DNASE1L1: variants seen among roughly 807,000 people sequenced by gnomAD.
DNASE1L1 encodes the protein deoxyribonuclease-1-like 1.
A neutral mutation model predicts 18.6 loss-of-function variants in DNASE1L1; 8 were observed. That is an observed-to-expected ratio of 0.43 (90% CI 0.25 to 0.78). The LOEUF is 0.78. Ranked by LOEUF, DNASE1L1 falls within the 30% of genes least tolerant of loss-of-function variation. DNASE1L1 has a pLI of 0.23. For synonymous variants in DNASE1L1, 114 were observed against 114.2 expected (o/e 1.00, Z 0.01); for missense variants, 214 against 258.2 (o/e 0.83, Z 1.17).
In DNASE1L1 at chrX:154,405,463, T is replaced by C. The variant is rs781836649; in HGVS notation, c.106A>G (p.Arg36Gly). The C allele has an allele frequency of 8.3e-7, 1 of 1,198,995 alleles. No homozygotes were observed. The highest frequency in any genetic ancestry group is 2.2e-5 in the Admixed American group (1 of 45,461). The change falls in exon 2 of 8, where the codon AGG (arginine) becomes GGG (glycine). Residue 36 changes from arginine to glycine, a missense_variant. Physicochemically the swap from Arg to Gly is moderately radical, Grantham distance 125. Transcript: ENST00000369807. Reference sequence around the variant, plus strand: ...ACTAAGGTGTCCATCACCTGCTCCCTGGCCACCTTGGCCAGTGTCAGCCGC... The same window carrying C: ...ACTAAGGTGTCCATCACCTGCTCCCCGGCCACCTTGGCCAGTGTCAGCCGC... The part of the protein sequence containing the change: ...AQRLTLAKVA[R>G]EQVMDTLVRI...
chrX:154,402,996 C>T lies in DNASE1L1; in HGVS notation c.720G>A (p.Leu240=). Residue 240 remains leucine, a synonymous_variant, in exon 7 of 8, where the codon CTG becomes CTA. Transcript: ENST00000369807. ...GGAAGTCAAAGGCAGCCGCAGTGTG[C>T]AGCAGACTCCGGCAGCGCTCCCCGT... ...VLHGERCRSL[L]HTAAAFDFPT... is the part of the protein sequence containing the mutation. 1 of 1,211,455 alleles carries T rather than the reference C, an allele frequency of 8.3e-7. No homozygotes were observed. The highest frequency in any genetic ancestry group is 1.8e-5 in the South Asian group (1 of 57,024).
In DNASE1L1 at chrX:154,402,246, C is replaced by T. The variant is rs2068057550; in HGVS notation, c.*461G>A. Reference sequence around the variant, plus strand: ...GTTTCAGGGAAGGAGTTTGATATAGCAGATTAACCACCCTCCTTGTAGCTA... The same window carrying T: ...GTTTCAGGGAAGGAGTTTGATATAGTAGATTAACCACCCTCCTTGTAGCTA... On this transcript the variant is annotated 3_prime_UTR_variant, in exon 8 of 8. Transcript: ENST00000369807. The T allele has an allele frequency of 3.1e-5, 4 of 129,371 alleles. No individual in the cohort carries two copies. The highest frequency in any genetic ancestry group is 3.1e-3 in the Middle Eastern group (1 of 321). 10.7% of individuals were successfully genotyped at this position (129,371 alleles called of 1,213,427 possible).
chrX:154,401,721 C>T lies in DNASE1L1; in HGVS notation c.*986G>A, dbSNP rs868920804. The T allele has an allele frequency of 8.9e-5, 10 of 111,855 alleles. No individual in the cohort carries two copies. The highest frequency in any genetic ancestry group is 1.5e-4 in the Non-Finnish European group (8 of 53,070). 9.2% of individuals were successfully genotyped at this position (111,855 alleles called of 1,213,427 possible). ...CCCCCAGCCTGTGGCTCCCAAAAGGCCTCTGGTTTTTTGTAATCTCAGTTT... is the reference window on the plus strand; with the variant it reads ...CCCCCAGCCTGTGGCTCCCAAAAGGTCTCTGGTTTTTTGTAATCTCAGTTT... On this transcript the variant is annotated 3_prime_UTR_variant, in exon 8 of 8. Coordinates refer to ENST00000369807, the MANE Select transcript of DNASE1L1 (RefSeq NM_001303620.2).
In DNASE1L1 at chrX:154,403,548, A is replaced by G; in HGVS notation, c.386T>C (p.Val129Ala). 2 of 1,212,072 alleles carry G rather than the reference A, an allele frequency of 1.7e-6. No homozygotes were observed. Residue 129 changes from valine (V) to alanine (A), a missense_variant, in exon 5 of 8, where the codon GTG (valine) becomes GCG (alanine). Physicochemically the swap from Val to Ala is moderately conservative, Grantham distance 64. Transcript: ENST00000369807. ...ATTGCTGGGCAAAGAGAACTGGGCC[A>G]CAAATGGCTCCCGGGCAAAGACGTC... Reference protein sequence around the residue: ...EDDVFAREPFVAQFSLPSNVL... With the variant: ...EDDVFAREPFAAQFSLPSNVL...
chrX:154,409,792 T>C (rs2068227680), upstream of DNASE1L1: 1 of 112,385 alleles, frequency 8.9e-6, no homozygotes, highest in Admixed American at 9.4e-5. Context: ...CAGTCCAACG[T>C]CCTGGGGGTC....
upstream of DNASE1L1, chrX:154,409,734 G>A (rs1439924941): frequency 8.9e-6 from 1 of 112,587 alleles, no homozygotes; most frequent in African/African-American, 3.2e-5. Context: ...GTGAAGTCAA[G>A]GGAGGACTGA....
intron 1 of DNASE1L1, among the ~76,000 whole-genome samples, chrX:154,407,183 G>A (rs1446388552): frequency 3.2e-5 from 3 of 94,833 alleles, no homozygotes; most frequent in Non-Finnish European, 6.2e-5. Context: ...CTGGACTCAA[G>A]TGATCTTCCT....
Position 154,404,803 on chromosome X carries a change from G to A in DNASE1L1, c.311+25C>T, listed in dbSNP as rs1557187942. The A allele has an allele frequency of 1.7e-5, 20 of 1,200,035 alleles. No individual in the cohort carries two copies. The South Asian group carries it at 3.6e-4, about 22-fold the overall frequency. ...AGGGCCAAGGACCGCCCCCCACCCTGCTGCGCTGCCAGCTCCGTGCTCACC... is the reference window on the plus strand; with the variant it reads ...AGGGCCAAGGACCGCCCCCCACCCTACTGCGCTGCCAGCTCCGTGCTCACC... On this transcript the variant is annotated intron_variant, in intron 4 of 7. Coordinates refer to ENST00000369807, the MANE Select transcript of DNASE1L1 (RefSeq NM_001303620.2).
At chrX:154,405,271 G>A (rs2068126795) in intron 2 of DNASE1L1, among the ~76,000 whole-genome samples, 163 bp downstream of exon 2, 1 of 113,138 alleles carries the variant, frequency 8.8e-6, no homozygotes. Context: ...CTGTTTCACA[G>A]AGGAGGAGAC....
Position 154,409,139 on chromosome X carries a change from T to C in DNASE1L1, c.-115A>G. ...GCTCAGACCAGCTTGTCACCAAGTC[T>C]GCCTCATCCTTAAGTGGATCGCGAT... is the stretch of plus-strand genomic sequence containing the variant. On this transcript the variant is annotated 5_prime_UTR_variant, in exon 1 of 8. Transcript: ENST00000369807. 2.9e-6 allele frequency: 1 copy of C among 340,816 alleles called. No individual in the cohort carries two copies. The highest frequency in any genetic ancestry group is 2.6e-5 in the South Asian group (1 of 38,346). 28.1% of individuals were successfully genotyped at this position (340,816 alleles called of 1,213,427 possible).
chrX:154,405,294 C>T, intron 2 of DNASE1L1, 140 bp downstream of exon 2: 1 of 1,010,955 alleles, frequency 9.9e-7, no homozygotes, highest in Non-Finnish European at 1.3e-6. Flanking sequence ...AGGCCAGCAG[C>T]AGGCAAGCGC....
chrX:154,404,262 G>A (rs2068106885), intron 4 of DNASE1L1, among the ~76,000 whole-genome samples: 1 of 104,966 alleles, frequency 9.5e-6, no homozygotes, highest in African/African-American at 3.6e-5. Context: ...AAGTGATCCT[G>A]CTGCTTCAGC....
At chrX:154,404,276 C>T (rs1435287439) in intron 4 of DNASE1L1, among the ~76,000 whole-genome samples, 1 of 109,047 alleles carries the variant, frequency 9.2e-6, no homozygotes, top group Non-Finnish European at 1.9e-5. Context: ...CTTCAGCCTC[C>T]CAAAGCGTTG....
At chrX:154,409,406 GA>G, upstream of DNASE1L1, 1 of 195,315 alleles carries the variant, frequency 5.1e-6, no homozygotes, top group East Asian at 1.5e-4. Flanking sequence ...GGGCCAGCGG[GA>G]CATGACAGAC....
upstream of DNASE1L1, among the ~76,000 whole-genome samples, chrX:154,410,528 G>A (rs782577819): frequency 2.7e-5 from 3 of 110,292 alleles, no homozygotes; most frequent in South Asian, 7.6e-4. Context: ...ACTCCAGCCT[G>A]GGCAACAGAG....
In DNASE1L1 at chrX:154,403,119, C is replaced by T; in HGVS notation, c.597G>A (p.Glu199=). The T allele has an allele frequency of 8.3e-7, 1 of 1,211,941 alleles. No homozygotes were observed. The highest frequency in any genetic ancestry group is 3.0e-5 in the East Asian group (1 of 33,858). ...AGTGGAAGCCTGGCTCAGTCCGCAG[C>T]TCCAGCTTGTCCAGGCGCTTTTTGG... ...SLTKKRLDKL[E]LRTEPGFHWV... The change falls in exon 7 of 8, where the codon GAG becomes GAA. Residue 199 remains glutamate (E), a synonymous_variant. Transcript: ENST00000369807.
In DNASE1L1 at chrX:154,404,813, C is replaced by G. The variant is rs886296129; in HGVS notation, c.311+15G>C. The G allele has an allele frequency of 1.1e-5, 13 of 1,205,963 alleles. No homozygotes were observed. The highest frequency in any genetic ancestry group is 6.9e-5 in the African/African-American group (4 of 57,743). On this transcript the variant is annotated intron_variant, in intron 4 of 7. Coordinates refer to ENST00000369807, the MANE Select transcript of DNASE1L1 (RefSeq NM_001303620.2). ...ACCGCCCCCCACCCTGCTGCGCTGC[C>G]AGCTCCGTGCTCACCGATAGAAGTA...
In DNASE1L1 at chrX:154,401,684, TGTTGGCC is replaced by T. The variant is rs1557186447; in HGVS notation, c.*1016_*1022del. 1 of 112,147 alleles carries T rather than the reference TGTTGGCC, an allele frequency of 8.9e-6. No individual in the cohort carries two copies. Among genetic ancestry groups the T allele is most frequent in the East Asian group, 2.8e-4 (1 of 3,596 alleles). The allele number at this position is 112,147 out of a possible 1,213,427, so 9.2% of individuals were successfully genotyped here. Reference sequence around the variant, plus strand: ...GGCTTTTGGTCCCAGAGCTGGGGTATGTTGGCCCCAGCCCCCAGCCTGTGGCTCCCAA... The same window carrying T: ...GGCTTTTGGTCCCAGAGCTGGGGTATCCAGCCCCCAGCCTGTGGCTCCCAA... On this transcript the variant is annotated 3_prime_UTR_variant, in exon 8 of 8. Coordinates refer to ENST00000369807, the MANE Select transcript of DNASE1L1 (RefSeq NM_001303620.2).
At chrX:154,404,964 C>T (rs1557187985) in intron 3 of DNASE1L1, 31 bp downstream of exon 3, 1 of 1,203,826 alleles carries the variant, frequency 8.3e-7, no homozygotes, top group East Asian at 3.0e-5. Context: ...TCTGGGTGTG[C>T]CCCTGATTAG....
Sources: allele counts gnomAD v4.1 joint callset (sites outside exome capture counted in the v4.1 genomes callset), GRCh38; gene constraint gnomAD v4.1.1; transcripts MANE v1.5; gene names NCBI Gene and HGNC (gene_info 2026-07-23, HGNC 2026-07-21).